The following G2E3 variants were observed in gnomAD, a reference collection of about 807,000 sequenced individuals.
G2E3 encodes G2/M phase-specific E3 ubiquitin-protein ligase.
Under a neutral mutation model 92.8 loss-of-function variants are expected in G2E3, and 35 were observed. The observed-to-expected ratio is 0.38, with a 90% CI of 0.29 to 0.50. The LOEUF is 0.50. Ranked by LOEUF, G2E3 falls within the 20% of genes least tolerant of loss-of-function variation. The pLI, the probability that G2E3 is intolerant of heterozygous loss-of-function variation, is 0.94. For synonymous variants in G2E3, 242 were observed against 272.4 expected (o/e 0.89, Z 1.10); for missense variants, 554 against 823.8 (o/e 0.67, Z 4.01).
intron 14 of G2E3, among the ~76,000 whole-genome samples, chr14:30,615,802 T>C (rs1012392261): frequency 6.6e-6 from 1 of 152,132 alleles, no homozygotes; most frequent in Admixed American, 6.6e-5. Context: ...GAAAACATTA[T>C]TGTCACCGCA....
chr14:30,589,799 T>C (rs777537809), intron 4 of G2E3, among the ~76,000 whole-genome samples: 3 of 152,042 alleles, frequency 2.0e-5, no homozygotes, highest in Non-Finnish European at 4.4e-5. Flanking sequence ...ATTATGATCA[T>C]AACTCCACTC....
In G2E3 at chr14:30,616,441, T is replaced by G; in HGVS notation, c.2028T>G (p.Asn676Lys). 1.9e-6 allele frequency: 3 copies of G among 1,610,222 alleles called. No individual in the cohort carries two copies. The highest frequency in any genetic ancestry group is 2.5e-6 in the Non-Finnish European group (3 of 1,176,678). Reference protein sequence around the residue: ...CNNCLAIPITNTYKEFQENMD... With the variant: ...CNNCLAIPITKTYKEFQENMD... ...ACTGTTTAGCAATTCCCATCACCAA[T>G]ACATATAAAGAGTTTCAAGAAAATA... The change falls in exon 15 of 15, where the codon AAT (asparagine) becomes AAG (lysine). Residue 676 changes from asparagine (N) to lysine (K), a missense_variant. This residue lies in a region of G2E3 where 397 missense variants were observed against 560.3 expected (regional missense o/e 0.71). Coordinates refer to ENST00000206595, the MANE Select transcript of G2E3 (RefSeq NM_017769.5).
intron 5 of G2E3, among the ~76,000 whole-genome samples, chr14:30,593,224 A>G (rs555525220): frequency 2.6e-5 from 4 of 152,278 alleles, no homozygotes; most frequent in African/African-American, 9.6e-5. Flanking sequence ...AGGATTCTCA[A>G]CATAATTATT....
intron 6 of G2E3, among the ~76,000 whole-genome samples, chr14:30,597,003 G>A (rs1396301094): frequency 6.6e-6 from 1 of 152,188 alleles, no homozygotes; most frequent in Non-Finnish European, 1.5e-5. Flanking sequence ...TGGGAAGAAA[G>A]CTGTCTTAGA....
chr14:30,571,994 G>A (rs1162103685), intron 1 of G2E3, among the ~76,000 whole-genome samples: 2 of 148,542 alleles, frequency 1.3e-5, no homozygotes, highest in Non-Finnish European at 3.0e-5. Flanking sequence ...GTGTTAAATT[G>A]ACATCTTAAC....
rs946329357 is a variant in G2E3 at position 30,595,785 on chromosome 14, A to G, written c.529-1635A>G. 2.6e-5 allele frequency among the ~76,000 whole-genome samples: 4 copies of G among 152,194 alleles called. No homozygotes were observed. The East Asian group carries it at 7.7e-4, about 29-fold the overall frequency. ...TCTAGATAGCTGTATGTGGTTAAAC[A>G]AATGTCATTATTTGTAACCACTACA... On this transcript the variant is annotated intron_variant, in intron 6 of 14. Coordinates refer to ENST00000206595, the MANE Select transcript of G2E3 (RefSeq NM_017769.5).
intron 1 of G2E3, 77 bp from the exon 2 acceptor site, chr14:30,580,999 A>G (rs1373922051): frequency 3.8e-6 from 3 of 799,100 alleles, no homozygotes; most frequent in Non-Finnish European, 6.7e-6. Context: ...GTCATTATGC[A>G]TTGACTGCAA....
At chr14:30,578,793 G>A (rs1201011863) in intron 1 of G2E3, among the ~76,000 whole-genome samples, 2 of 152,126 alleles carry the variant, frequency 1.3e-5, no homozygotes, top group African/African-American at 2.4e-5. Context: ...TCCTTTAAGA[G>A]GAGGCATTTT....
intron 12 of G2E3, among the ~76,000 whole-genome samples, chr14:30,610,480 G>C (rs1338493258): frequency 6.6e-6 from 1 of 152,114 alleles, no homozygotes; most frequent in Non-Finnish European, 1.5e-5. Context: ...GCCAGGTGTG[G>C]TGGCGCGCGC....
chr14:30,611,721 G>T (rs1882097877), intron 12 of G2E3: 1 of 152,054 alleles, frequency 6.6e-6, no homozygotes. Flanking sequence ...ACATTGGTGT[G>T]ATCATAGCTC....
Position 30,617,305 on chromosome 14 carries a change from A to G in G2E3, c.*771A>G, listed in dbSNP as rs1017881851. On this transcript the variant is annotated 3_prime_UTR_variant, in exon 15 of 15. Coordinates refer to ENST00000206595, the MANE Select transcript of G2E3 (RefSeq NM_017769.5). ...ATTTTCTGGAATCTATGGACATTCC[A>G]TGAGCTTAAACACTTTTGAGGTGGA... is the stretch of plus-strand genomic sequence containing the variant. 2 of 152,060 alleles carry G rather than the reference A, an allele frequency of 1.3e-5. No individual in the cohort carries two copies. The highest frequency in any genetic ancestry group is 4.8e-5 in the African/African-American group (2 of 41,426). 9.4% of individuals were successfully genotyped at this position (152,060 alleles called of 1,614,324 possible). A position where few individuals can be genotyped will look rare whatever the true frequency, so the allele number is the denominator to read the frequency against.
intron 1 of G2E3, among the ~76,000 whole-genome samples, chr14:30,569,536 A>ATT (rs997560295): frequency 6.6e-6 from 1 of 152,144 alleles, no homozygotes; most frequent in African/African-American, 2.4e-5. Context: ...TTAAGGCCTT[A>ATT]TTTTTTAGAC....
chr14:30,566,118 G>T (rs995721890), intron 1 of G2E3, among the ~76,000 whole-genome samples: 1 of 152,156 alleles, frequency 6.6e-6, no homozygotes, highest in Admixed American at 6.5e-5. Flanking sequence ...CTATTGATGT[G>T]TATGTCTGTC....
At chr14:30,588,381 A>G (rs1466104537) in intron 3 of G2E3, among the ~76,000 whole-genome samples, 1 of 150,750 alleles carries the variant, frequency 6.6e-6, no homozygotes, top group African/African-American at 2.5e-5. Context: ...CTTAGTGTGT[A>G]TCACTTGTTA....
intron 1 of G2E3, among the ~76,000 whole-genome samples, chr14:30,561,186 A>T (rs183532916): frequency 2.0e-4 from 31 of 152,360 alleles, no homozygotes; most frequent in African/African-American, 6.0e-4. Context: ...ACATTCTCTC[A>T]TTAATCTTTA....
chr14:30,604,754 T>C (rs1467226775), intron 10 of G2E3, among the ~76,000 whole-genome samples: 1 of 152,324 alleles, frequency 6.6e-6, no homozygotes, highest in African/African-American at 2.4e-5. Flanking sequence ...CATTTTCTTA[T>C]ATAGTAAGGA....
intron 2 of G2E3, among the ~76,000 whole-genome samples, chr14:30,584,751 T>C (rs1329753181): frequency 6.6e-6 from 1 of 152,068 alleles, no homozygotes; most frequent in East Asian, 1.9e-4. Context: ...TTTGTTGTTA[T>C]CAGAGTTTTT....
At chr14:30,585,266 T>A (rs1284937305) in intron 2 of G2E3, among the ~76,000 whole-genome samples, 1 of 152,214 alleles carries the variant, frequency 6.6e-6, no homozygotes. Context: ...TCACACAGAT[T>A]TACCCTTATT....
intron 10 of G2E3, among the ~76,000 whole-genome samples, chr14:30,603,579 T>G (rs1361597650): frequency 6.6e-6 from 1 of 152,194 alleles, no homozygotes; most frequent in Non-Finnish European, 1.5e-5. Flanking sequence ...TGGTGACTCA[T>G]ACCTGTAATC....
Sources: gnomAD v4.1 joint callset for allele counts (sites outside exome capture counted in the v4.1 genomes callset) on GRCh38, gnomAD v4.1.1 for gene constraint, gnomAD v4.1.1 regional missense constraint, MANE v1.5 for transcripts, NCBI Gene and HGNC (gene_info 2026-07-23, HGNC 2026-07-21) for gene names.